The following NELL1 variants were observed in gnomAD, a reference collection of about 807,000 sequenced individuals.
NELL1 encodes the protein neural EGFL like 1, also known as protein kinase C-binding protein NELL1.
NELL1 carries 76 observed loss-of-function variants against 107.4 expected under a neutral mutation model. The observed-to-expected ratio is 0.71, with a 90% CI of 0.59 to 0.86. The LOEUF (loss-of-function observed/expected upper bound fraction) is 0.86, where lower values mean the gene tolerates loss of function less well. NELL1 is among the 40% of genes least tolerant of loss of function. The pLI is 0.00. For synonymous variants in NELL1, 353 were observed against 341.2 expected, an observed-to-expected ratio of 1.03 and a Z score of -0.38; for missense variants, 1,024 against 1,005.5, an observed-to-expected ratio of 1.02 and a Z score of -0.25.
intron 15 of NELL1, among the ~76,000 whole-genome samples, chr11:21,512,533 GA>G (rs1414045006): frequency 6.6e-6 from 1 of 151,978 alleles, no homozygotes; most frequent in Non-Finnish European, 1.5e-5. Flanking sequence ...CTCCCTCAAG[GA>G]AAATGTACTA....
chr11:21,538,567 C>A (rs973567894), intron 16 of NELL1, among the ~76,000 whole-genome samples: 8 of 152,022 alleles, frequency 5.3e-5, no homozygotes, highest in African/African-American at 1.9e-4. Flanking sequence ...GAAAATAGTA[C>A]ACAAAAATTT....
chr11:21,511,205 T>C (rs1182263931), intron 15 of NELL1, among the ~76,000 whole-genome samples: 1 of 152,214 alleles, frequency 6.6e-6, no homozygotes, highest in Non-Finnish European at 1.5e-5. Context: ...TTCTAGCAAA[T>C]ATATAATGTA....
At chr11:21,190,622 G>A (rs1857029983) in intron 13 of NELL1, among the ~76,000 whole-genome samples, 1 of 151,760 alleles carries the variant, frequency 6.6e-6, no homozygotes, top group South Asian at 2.1e-4. Context: ...CTTAAGTGTC[G>A]CTGCAGGCAT....
chr11:21,152,940 T>C (rs1856151348), intron 13 of NELL1, among the ~76,000 whole-genome samples: 1 of 152,204 alleles, frequency 6.6e-6, no homozygotes, highest in South Asian at 2.1e-4. Context: ...CAGAAGAGTC[T>C]GATTTTATTC....
At chr11:20,731,327 T>C (rs558741730) in intron 2 of NELL1, among the ~76,000 whole-genome samples, 42 of 152,344 alleles carry the variant, frequency 2.8e-4, no homozygotes, top group African/African-American at 9.4e-4. Flanking sequence ...TAAGACCACA[T>C]AGGAAATTAT....
At chr11:20,923,135 G>C (rs981309883) in intron 7 of NELL1, among the ~76,000 whole-genome samples, 3 of 152,146 alleles carry the variant, frequency 2.0e-5, no homozygotes, top group African/African-American at 7.2e-5. Context: ...CTCTTGGGTC[G>C]AGGTGGAAAC....
At chr11:20,843,486 C>G (rs1351967548) in intron 3 of NELL1, among the ~76,000 whole-genome samples, 1 of 120,210 alleles carries the variant, frequency 8.3e-6, no homozygotes, top group East Asian at 2.2e-4. Context: ...TGTTTTCACT[C>G]TTGTACACAG....
At chr11:20,741,469 T>C (rs1337532282) in intron 2 of NELL1, among the ~76,000 whole-genome samples, 2 of 152,214 alleles carry the variant, frequency 1.3e-5, no homozygotes, top group Non-Finnish European at 2.9e-5. Context: ...TCCAGGTCTC[T>C]GAAGCCTACA....
intron 12 of NELL1, among the ~76,000 whole-genome samples, chr11:21,083,513 T>TA (rs780730014): frequency 1.7e-4 from 26 of 152,190 alleles, no homozygotes; most frequent in Non-Finnish European, 3.2e-4. Flanking sequence ...TGTTGGCAGT[T>TA]ACAATACAAA....
chr11:21,329,985 A>G (rs1404795880), intron 14 of NELL1, among the ~76,000 whole-genome samples: 4 of 152,104 alleles, frequency 2.6e-5, no homozygotes, highest in Admixed American at 2.6e-4. Context: ...AGTAGCTGAG[A>G]GAAGAAAATA....
intron 14 of NELL1, among the ~76,000 whole-genome samples, chr11:21,335,297 C>T (rs1850366420): frequency 6.6e-6 from 1 of 152,032 alleles, no homozygotes; most frequent in Non-Finnish European, 1.5e-5. Context: ...GGACAAATAT[C>T]CTTATGCAAT....
At chr11:21,422,446 CAT>C (rs1852703637) in intron 15 of NELL1, among the ~76,000 whole-genome samples, 1 of 151,874 alleles carries the variant, frequency 6.6e-6, no homozygotes, top group Admixed American at 6.6e-5. Flanking sequence ...TGGTTTTAGA[CAT>C]AATACATAAT....
At chr11:21,304,747 A>G (rs1849571242) in intron 14 of NELL1, among the ~76,000 whole-genome samples, 1 of 151,866 alleles carries the variant, frequency 6.6e-6, no homozygotes. Context: ...TGTATCATCG[A>G]CTTAATTATT....
rs989662390 is a variant in NELL1 at position 21,517,490 on chromosome 11, A to G, written c.1646-16884A>G. Among the ~76,000 whole-genome samples the G allele has an allele frequency of 2.0e-5, 3 of 152,276 alleles. No homozygotes were observed. The South Asian group carries it at 6.2e-4, about 32-fold the overall frequency. On this transcript the variant is annotated intron_variant, in intron 15 of 19. Transcript: ENST00000357134. Reference sequence around the variant, plus strand: ...AACATGTACGCTCTCTAGTTTACCAACACCTGGGCTACATCACTCATTTAG... The same window carrying G: ...AACATGTACGCTCTCTAGTTTACCAGCACCTGGGCTACATCACTCATTTAG...
chr11:21,242,039 T>G (rs1040966539), intron 14 of NELL1, among the ~76,000 whole-genome samples: 4 of 151,846 alleles, frequency 2.6e-5, no homozygotes, highest in African/African-American at 9.6e-5. Flanking sequence ...TGTCTGTGAA[T>G]AGATATGATG....
chr11:21,431,227 G>GAT (rs1852957294), intron 15 of NELL1, among the ~76,000 whole-genome samples: 1 of 152,022 alleles, frequency 6.6e-6, no homozygotes, highest in Non-Finnish European at 1.5e-5. Flanking sequence ...CTGCACTGAT[G>GAT]ATATATTTAA....
At chr11:21,175,233 A>G (rs1240275281) in intron 13 of NELL1, among the ~76,000 whole-genome samples, 1 of 151,746 alleles carries the variant, frequency 6.6e-6, no homozygotes, top group African/African-American at 2.4e-5. Flanking sequence ...CCGCATTAAC[A>G]CCAATAGATG....
intron 13 of NELL1, among the ~76,000 whole-genome samples, chr11:21,204,015 C>G (rs1412022188): frequency 6.6e-6 from 1 of 152,082 alleles, no homozygotes; most frequent in Non-Finnish European, 1.5e-5. Context: ...GTGGGTAACC[C>G]GACCTTACTC....
At chr11:20,975,568 A>T (rs142660062) in intron 12 of NELL1, among the ~76,000 whole-genome samples, 16,691 of 131,434 alleles carry the variant, frequency 0.13, 1,551 homozygotes, top group East Asian at 0.24. Flanking sequence ...GTACAGATAT[A>T]ATGTATTATA....
Sources: gnomAD v4.1 joint callset for allele counts (sites outside exome capture counted in the v4.1 genomes callset) on GRCh38, gnomAD v4.1.1 for gene constraint, MANE v1.5 for transcripts, NCBI Gene and HGNC (gene_info 2026-07-23, HGNC 2026-07-21) for gene names.